Variants in PPIP5K2 observed in about 807,000 individuals in gnomAD.
PPIP5K2 encodes the protein diphosphoinositol pentakisphosphate kinase 2.
A neutral mutation model predicts 154.6 loss-of-function variants in PPIP5K2; 105 were observed. The ratio of observed to expected loss-of-function variants is 0.68; its 90% confidence interval spans 0.58 to 0.80. The LOEUF is 0.80. PPIP5K2 is among the 30% of genes least tolerant of loss of function. PPIP5K2 has a pLI of 0.00. For missense variants in PPIP5K2, 992 were observed against 1,504.6 expected, an observed-to-expected ratio of 0.66 and a Z score of 5.64; for synonymous variants, 480 against 490.3, an observed-to-expected ratio of 0.98 and a Z score of 0.28.
chr5:103,143,685 C>T (rs931090811), intron 5 of PPIP5K2, among the ~76,000 whole-genome samples: 8 of 152,176 alleles, frequency 5.3e-5, no homozygotes, highest in African/African-American at 1.9e-4. Flanking sequence ...ATACTCTCTA[C>T]ATATGATCAT....
chr5:103,180,615 C>A (rs771775811), intron 24 of PPIP5K2, among the ~76,000 whole-genome samples: 1 of 151,432 alleles, frequency 6.6e-6, no homozygotes, highest in Admixed American at 6.6e-5. Flanking sequence ...TTTGGGAGGC[C>A]GAGGCGGGTG....
At chr5:103,142,910 C>A (rs945207330) in intron 5 of PPIP5K2, among the ~76,000 whole-genome samples, 2 of 151,918 alleles carry the variant, frequency 1.3e-5, no homozygotes, top group Non-Finnish European at 2.9e-5. Context: ...CATAAGAAGA[C>A]TAAAAGGCAA....
rs1554230792 is a variant in PPIP5K2, at chr5:103,202,124, T to TG, written c.*490_*491insG. Reference sequence around the variant, plus strand: ...AGATTAGAATATCTTTCCCAATTGTTACAGTGACATATATGCTGCAATATT... The same window carrying TG: ...AGATTAGAATATCTTTCCCAATTGTTGACAGTGACATATATGCTGCAATATT... On this transcript the variant is annotated 3_prime_UTR_variant, in exon 31 of 31. Coordinates refer to ENST00000358359, the MANE Select transcript of PPIP5K2 (RefSeq NM_001276277.3). The TG allele has an allele frequency of 7.2e-5, 11 of 153,028 alleles. No homozygotes were observed. Among genetic ancestry groups the TG allele is most frequent in the African/African-American group, 2.7e-4 (11 of 41,462 alleles). 9.5% of individuals were successfully genotyped at this position (153,028 alleles called of 1,614,324 possible).
chr5:103,197,410 G>C (rs1342627887), intron 30 of PPIP5K2, among the ~76,000 whole-genome samples: 1 of 151,412 alleles, frequency 6.6e-6, no homozygotes, highest in African/African-American at 2.4e-5. Context: ...TCTTTTTAAT[G>C]AATGTGGTAA....
Position 103,133,604 on chromosome 5 carries a change from A to C in PPIP5K2, c.266A>C (p.Glu89Ala), listed in dbSNP as rs1791003828. 1 of 1,610,864 alleles carries C rather than the reference A, an allele frequency of 6.2e-7. No homozygotes were observed. Among genetic ancestry groups the C allele is most frequent in the African/African-American group, 1.3e-5 (1 of 74,726 alleles). Residue 89 changes from glutamate (E) to alanine (A), a missense_variant, in exon 3 of 31, where the codon GAA (glutamate) becomes GCA (alanine). Glu to Ala is a moderately radical substitution (Grantham distance 107). Around this residue, in one of 9 missense-constraint regions of PPIP5K2, gnomAD observed 153 missense variants for 200.4 expected, o/e 0.76. Coordinates refer to ENST00000358359, the MANE Select transcript of PPIP5K2 (RefSeq NM_001276277.3). ...GAGGTTATTTTGAATGAACCAGTGGAAAACTGGCCTTTATGTGATTGTCTT... is the reference window on the plus strand; with the variant it reads ...GAGGTTATTTTGAATGAACCAGTGGCAAACTGGCCTTTATGTGATTGTCTT... The part of the protein sequence containing the change: ...EEEVILNEPV[E>A]NWPLCDCLIS...
At chr5:103,144,151 G>C (rs1422940682) in intron 5 of PPIP5K2, among the ~76,000 whole-genome samples, 1 of 142,764 alleles carries the variant, frequency 7.0e-6, no homozygotes, top group Non-Finnish European at 1.5e-5. Flanking sequence ...ATCTGAAAAA[G>C]AAACTAAAAA....
At chr5:103,154,779 T>A in intron 12 of PPIP5K2, 34 bp downstream of exon 12, 2 of 1,549,516 alleles carry the variant, frequency 1.3e-6, no homozygotes, top group Non-Finnish European at 1.7e-6. Flanking sequence ...TAATTTTAAA[T>A]TTTTTAGTGG....
At chr5:103,140,999 AAAGGAGTTCATC>A (rs1262033687) in intron 5 of PPIP5K2, among the ~76,000 whole-genome samples, 16 of 152,178 alleles carry the variant, frequency 1.1e-4, no homozygotes, top group Admixed American at 2.6e-4. Context: ...GGAAATGCTA[AAAGGAGTTCATC>A]AATCTGATAG....
At chr5:103,148,870 G>T (rs892240516) in intron 7 of PPIP5K2, among the ~76,000 whole-genome samples, 2 of 151,824 alleles carry the variant, frequency 1.3e-5, no homozygotes, top group Non-Finnish European at 2.9e-5. Context: ...TTTGAGGAGA[G>T]CGATCACATT....
At chr5:103,133,843 G>A (rs1174017937) in intron 3 of PPIP5K2, among the ~76,000 whole-genome samples, 195 bp downstream of exon 3, 1 of 152,036 alleles carries the variant, frequency 6.6e-6, no homozygotes, top group Non-Finnish European at 1.5e-5. Context: ...TAGTGTCATA[G>A]TGTATGTGTA....
intron 30 of PPIP5K2, among the ~76,000 whole-genome samples, chr5:103,196,616 G>A (rs1580482429): frequency 6.6e-6 from 1 of 152,226 alleles, no homozygotes; most frequent in East Asian, 1.9e-4. Flanking sequence ...AGCTTACATA[G>A]CTAGTAGTCA....
chr5:103,133,055 C>T (rs563111624), intron 2 of PPIP5K2, among the ~76,000 whole-genome samples: 127 of 152,280 alleles, frequency 8.3e-4, no homozygotes, highest in African/African-American at 3.0e-3. Context: ...GTAGTCAGGA[C>T]TATGTCTTAC....
At chr5:103,188,432 A>G (rs1159572883) in intron 28 of PPIP5K2, among the ~76,000 whole-genome samples, 1 of 152,178 alleles carries the variant, frequency 6.6e-6, no homozygotes, top group African/African-American at 2.4e-5. Context: ...TCCTTTAACA[A>G]CACATCTAAA....
At chr5:103,201,482 T>A (rs1301609361) in intron 30 of PPIP5K2, 40 bp from the exon 31 acceptor site, 3 of 1,248,586 alleles carry the variant, frequency 2.4e-6, no homozygotes, top group Non-Finnish European at 3.4e-6. Flanking sequence ...TTGTGTAAAT[T>A]TAAGCAATAG....
intron 5 of PPIP5K2, among the ~76,000 whole-genome samples, chr5:103,138,934 C>T (rs572743431): frequency 2.8e-4 from 43 of 152,280 alleles, no homozygotes; most frequent in African/African-American, 8.9e-4. Flanking sequence ...ATTGAAAATA[C>T]GGAATTCGTG....
chr5:103,201,583 T>A lies in PPIP5K2; in HGVS notation c.3681T>A (p.Thr1227=), dbSNP rs114625769. ...PNTSSRKKNI[T]SKTETHEHKK... ...CCTCATCTCGGAAAAAGAATATAAC[T>A]AGCAAAACAGAAACGCATGAACACA... The change falls in exon 31 of 31, where the codon ACT becomes ACA. Residue 1227 remains threonine, a synonymous_variant. Transcript: ENST00000358359. 2 of 1,611,084 alleles carry A rather than the reference T, an allele frequency of 1.2e-6. No individual in the cohort carries two copies. Among genetic ancestry groups the A allele is most frequent in the Non-Finnish European group, 1.7e-6 (2 of 1,178,844 alleles).
At chr5:103,151,429 A>G (rs1401233296) in intron 9 of PPIP5K2, 55 bp downstream of exon 9, 28 of 1,367,612 alleles carry the variant, frequency 2.0e-5, no homozygotes, top group Non-Finnish European at 2.3e-5. Flanking sequence ...TTCAGAAACC[A>G]AATAACTGTT....
intron 28 of PPIP5K2, chr5:103,189,039 C>A: frequency 1.7e-6 from 1 of 599,156 alleles, no homozygotes; most frequent in Non-Finnish European, 2.8e-6. Flanking sequence ...TTTCCCCTAA[C>A]TTTCATGTTA....
At chr5:103,163,736 TA>T (rs1554216898) in intron 17 of PPIP5K2, among the ~76,000 whole-genome samples, 2 of 152,000 alleles carry the variant, frequency 1.3e-5, no homozygotes, top group African/African-American at 4.8e-5. Context: ...AATTTTATCA[TA>T]TTTTCTTTCA....
Sources: gnomAD v4.1 joint callset for allele counts (sites outside exome capture counted in the v4.1 genomes callset) on GRCh38, gnomAD v4.1.1 for gene constraint, gnomAD v4.1.1 regional missense constraint, MANE v1.5 for transcripts, NCBI Gene and HGNC (gene_info 2026-07-23, HGNC 2026-07-21) for gene names.